Variants in QTGAL observed in about 807,000 individuals in gnomAD.
The protein encoded by QTGAL is BGnT-like protein 1.
chr17:82,979,759 T>C, the QTGAL span, among the ~76,000 whole-genome samples: 10 of 152,220 alleles, frequency 6.6e-5, no homozygotes, highest in Non-Finnish European at 1.0e-4. Context: ...GCAAGCTGAT[T>C]CTAAAATTTA....
At chr17:83,015,816 A>T in the QTGAL span, among the ~76,000 whole-genome samples, 83 of 152,226 alleles carry the variant, frequency 5.5e-4, no homozygotes, top group Non-Finnish European at 1.1e-3. The surrounding 1 kb of genome is among the most constrained non-coding windows in gnomAD (Gnocchi z 4.4). Flanking sequence ...ATGAGCATCT[A>T]ACTAATGCTG....
At chr17:82,997,740 G>A in the QTGAL span, among the ~76,000 whole-genome samples, 31 of 152,158 alleles carry the variant, frequency 2.0e-4, no homozygotes, top group Non-Finnish European at 3.8e-4. Flanking sequence ...GCACTGGGGG[G>A]TCATTATGTT....
chr17:82,972,892 C>CT, the QTGAL span, among the ~76,000 whole-genome samples: 26 of 145,126 alleles, frequency 1.8e-4, no homozygotes, highest in African/African-American at 6.8e-4. Flanking sequence ...CCACACCACA[C>CT]CACAGGGGCC....
At chr17:83,007,920 A>G in the QTGAL span, among the ~76,000 whole-genome samples, 1 of 152,184 alleles carries the variant, frequency 6.6e-6, no homozygotes, top group Non-Finnish European at 1.5e-5. Flanking sequence ...GAAGGCAGCA[A>G]GCTCTCTCCC....
At chr17:82,977,490 C>CA in the QTGAL span, among the ~76,000 whole-genome samples, 11 of 148,922 alleles carry the variant, frequency 7.4e-5, no homozygotes, top group African/African-American at 2.0e-4. Flanking sequence ...ACATTTTCAA[C>CA]AAAAAAAAAC....
chr17:82,961,357 TGAGCAAC>T, the QTGAL span: 2 of 506,496 alleles, frequency 3.9e-6, no homozygotes, highest in Admixed American at 4.1e-5. Context: ...ACAACAGACG[TGAGCAAC>T]CGAGCTTCTC....
At chr17:82,997,926 A>ATATATATAT in the QTGAL span, among the ~76,000 whole-genome samples, 5 of 97,536 alleles carry the variant, frequency 5.1e-5, no homozygotes, top group Non-Finnish European at 1.0e-4. Flanking sequence ...GGTTTAAAAA[A>ATATATATAT]AAAAATATAT....
At chr17:83,047,372 C>T in the QTGAL span, among the ~76,000 whole-genome samples, 1 of 152,216 alleles carries the variant, frequency 6.6e-6, no homozygotes, top group African/African-American at 2.4e-5. Context: ...AAATATGAAT[C>T]TCGGGGTGGG....
the QTGAL span, among the ~76,000 whole-genome samples, chr17:83,031,188 G>A: frequency 5.9e-5 from 9 of 152,326 alleles, no homozygotes; most frequent in South Asian, 8.3e-4. Flanking sequence ...AGGAAACGCC[G>A]CGTCAGGCAC....
the QTGAL span, among the ~76,000 whole-genome samples, chr17:83,043,482 A>G: frequency 1.3e-5 from 2 of 152,246 alleles, no homozygotes; most frequent in African/African-American, 4.8e-5. Context: ...AAACGAAAAC[A>G]AAAACACAAC....
chr17:82,954,258 C>G, the QTGAL span, among the ~76,000 whole-genome samples: 4 of 152,068 alleles, frequency 2.6e-5, no homozygotes, highest in Admixed American at 2.6e-4. Context: ...TTGTCTCAGC[C>G]CAAAAACTCC....
chr17:83,034,999 A>ACAG, the QTGAL span: 1 of 1,471,788 alleles, frequency 6.8e-7, no homozygotes, highest in South Asian at 1.2e-5. Context: ...CAACATGTAC[A>ACAG]CATTTATACA....
the QTGAL span, chr17:83,035,059 C>A: frequency 6.2e-7 from 1 of 1,612,724 alleles, no homozygotes; most frequent in Non-Finnish European, 8.5e-7. Context: ...AAAGGTAAGA[C>A]CCTGAGCTCT....
chr17:82,983,944 A>C, the QTGAL span, among the ~76,000 whole-genome samples: 7 of 150,040 alleles, frequency 4.7e-5, no homozygotes, highest in East Asian at 1.4e-3. Flanking sequence ...CAGTGAGCAC[A>C]CAGGGAGAGG....
the QTGAL span, among the ~76,000 whole-genome samples, chr17:83,047,350 C>G: frequency 2.0e-5 from 3 of 152,180 alleles, no homozygotes; most frequent in African/African-American, 7.2e-5. Context: ...ATACTATCAC[C>G]CTGGGGGTTC....
At chr17:82,943,966 ACT>A in the QTGAL span, 1 of 151,946 alleles carries the variant, frequency 6.6e-6, no homozygotes, top group African/African-American at 2.4e-5. Flanking sequence ...CACACACGAG[ACT>A]CTGGTTGCGC....
the QTGAL span, chr17:83,051,748 G>A: frequency 2.0e-6 from 3 of 1,497,238 alleles, no homozygotes; most frequent in Admixed American, 2.1e-5. Flanking sequence ...ACGTGGGCCT[G>A]CATGGCCTGG....
the QTGAL span, among the ~76,000 whole-genome samples, chr17:82,988,743 A>C: frequency 6.6e-6 from 1 of 152,214 alleles, no homozygotes; most frequent in East Asian, 1.9e-4. Context: ...CAACAAACAT[A>C]TGATAAAAAG....
At chr17:82,970,602 TGGCCGCGACCTCCCCACCCGGC>T in the QTGAL span, among the ~76,000 whole-genome samples, 4 of 143,174 alleles carry the variant, frequency 2.8e-5, no homozygotes, top group African/African-American at 5.7e-5. Flanking sequence ...GCACCCGGCG[TGGCCGCGACCTCCCCACCCGGC>T]GTGGCCGCGA....
Sources: allele counts gnomAD v4.1 joint callset (sites outside exome capture counted in the v4.1 genomes callset), GRCh38; gene constraint gnomAD v4.1.1; non-coding constraint Gnocchi (gnomAD v3.1); transcripts MANE v1.5; gene names NCBI Gene and HGNC (gene_info 2026-07-23, HGNC 2026-07-21).